BEND5: variants seen among roughly 807,000 people sequenced by gnomAD.
The protein encoded by BEND5 is BEN domain containing 5, also known as BEN domain-containing protein 5.
A neutral mutation model predicts 43.9 loss-of-function variants in BEND5; 22 were observed. The ratio of observed to expected loss-of-function variants is 0.50; its 90% CI spans 0.36 to 0.72. The LOEUF is 0.72. Among genes scored for constraint, BEND5 ranks in the 30% least tolerant of loss-of-function variants. The pLI, the probability that BEND5 is intolerant of heterozygous loss-of-function variation, is 0.00. For synonymous variants in BEND5, 228 were observed against 225.9 expected, an observed-to-expected ratio of 1.01 and a Z score of -0.08; for missense variants, 428 against 550.6, an observed-to-expected ratio of 0.78 and a Z score of 2.23.
intron 4 of BEND5, among the ~76,000 whole-genome samples, chr1:48,737,962 T>G (rs551555013): frequency 4.3e-4 from 66 of 152,278 alleles, no homozygotes; most frequent in African/African-American, 1.5e-3. Context: ...AGGCCTGCAG[T>G]TTGCCAATAT....
chr1:48,769,996 G>A (rs747030394), intron 1 of BEND5, among the ~76,000 whole-genome samples: 1 of 152,112 alleles, frequency 6.6e-6, no homozygotes, highest in Admixed American at 6.5e-5. Flanking sequence ...CATAGTGCAG[G>A]GTTCCATCCT....
chr1:48,775,919 A>AG (rs138225920), intron 1 of BEND5, among the ~76,000 whole-genome samples: 1,734 of 152,308 alleles, frequency 0.011, 35 homozygotes, highest in African/African-American at 0.04. Flanking sequence ...AGATTCAGAA[A>AG]GGGGTGTGGA....
At chr1:48,770,145 A>T (rs1262779196) in intron 1 of BEND5, among the ~76,000 whole-genome samples, 1 of 152,052 alleles carries the variant, frequency 6.6e-6, no homozygotes, top group South Asian at 2.1e-4. Flanking sequence ...TCTGACCCCA[A>T]CTCTGCTTTC....
intron 4 of BEND5, among the ~76,000 whole-genome samples, chr1:48,737,829 T>C (rs1377216229): frequency 6.6e-6 from 1 of 152,332 alleles, no homozygotes; most frequent in East Asian, 1.9e-4. Flanking sequence ...ATTTATGTCA[T>C]GCTTCTGCTG....
chr1:48,767,620 G>T (rs998530908), intron 1 of BEND5, among the ~76,000 whole-genome samples: 4 of 152,108 alleles, frequency 2.6e-5, no homozygotes, highest in Non-Finnish European at 5.9e-5. Flanking sequence ...TGTGACTTTG[G>T]GATATGCTTC....
At chr1:48,769,550 C>CACAT (rs1281175767) in intron 1 of BEND5, among the ~76,000 whole-genome samples, 2 of 146,962 alleles carry the variant, frequency 1.4e-5, no homozygotes, top group Non-Finnish European at 3.0e-5. Flanking sequence ...CACACACACA[C>CACAT]ACACACACAC....
chr1:48,753,043 C>T (rs924536125), intron 3 of BEND5, among the ~76,000 whole-genome samples: 11 of 152,180 alleles, frequency 7.2e-5, no homozygotes, highest in African/African-American at 1.2e-4. Flanking sequence ...CCACTGCCCC[C>T]GGCCCATTTG....
In BEND5 at chr1:48,734,070, C is replaced by T. The variant is rs1361247086; in HGVS notation, c.1108+2169G>A. ...CAGGCAGGGCAGGGCAGGGCTGCAT[C>T]CCCAGGATGGCCTTTTTCTCAGGGT... On this transcript the variant is annotated intron_variant, in intron 5 of 5. Coordinates refer to ENST00000371833, the MANE Select transcript of BEND5 (RefSeq NM_024603.4). 2.6e-5 allele frequency among the ~76,000 whole-genome samples: 4 copies of T among 152,156 alleles called. No individual in the cohort carries two copies. In the East Asian group the frequency reaches 7.7e-4, roughly 29 times the overall value.
intron 5 of BEND5, among the ~76,000 whole-genome samples, chr1:48,734,729 A>T (rs1648744504): frequency 6.6e-6 from 1 of 152,156 alleles, no homozygotes; most frequent in South Asian, 2.1e-4. Context: ...CACCTCCTCA[A>T]ACAGACCTTC....
At chr1:48,759,405 A>C (rs1369706838) in intron 2 of BEND5, 121 bp from the exon 3 acceptor site, 9 of 1,410,124 alleles carry the variant, frequency 6.4e-6, no homozygotes, top group Non-Finnish European at 8.4e-6. Context: ...TGCTTGGAGA[A>C]ACCTGTGCAA....
Position 48,736,159 on chromosome 1 carries a change from T to A in BEND5, c.1108+80A>T, listed in dbSNP as rs1649012176. ...ATGCAGAAGCTTCATAAGTAATCGT[T>A]GAATTGAATTGTGCCTAACACATTC... On this transcript the variant is annotated intron_variant, in intron 5 of 5. Transcript: ENST00000371833. This position sits in a 1 kb window ranked among gnomAD's most constrained non-coding sequence, Gnocchi z 4.0. 2 of 1,471,226 alleles carry A rather than the reference T, an allele frequency of 1.4e-6. No homozygotes were observed. Among genetic ancestry groups the A allele is most frequent in the African/African-American group, 1.4e-5 (1 of 71,462 alleles). The allele number at this position is 1,471,226 out of a possible 1,614,324, so 91.1% of individuals were successfully genotyped here.
chr1:48,740,404 T>A (rs1460627664), intron 4 of BEND5, among the ~76,000 whole-genome samples: 1 of 152,234 alleles, frequency 6.6e-6, no homozygotes, highest in African/African-American at 2.4e-5. Context: ...TCCCTACCCA[T>A]ACTATGTATA....
chr1:48,751,633 T>C (rs75632067), intron 3 of BEND5, among the ~76,000 whole-genome samples: 1 of 152,322 alleles, frequency 6.6e-6, no homozygotes, highest in African/African-American at 2.4e-5. Flanking sequence ...CTCCATTTCC[T>C]GCCTGGCAAA....
At chr1:48,750,674 TC>T (rs1360974853) in intron 3 of BEND5, among the ~76,000 whole-genome samples, 1 of 152,172 alleles carries the variant, frequency 6.6e-6, no homozygotes, top group Non-Finnish European at 1.5e-5. Flanking sequence ...CCAATAATGT[TC>T]CCTGCACAAA....
In BEND5 at chr1:48,775,507, G is replaced by C. The variant is rs1415773580; in HGVS notation, c.226+1099C>G. Among the ~76,000 whole-genome samples the C allele has an allele frequency of 3.9e-5, 6 of 152,264 alleles. No homozygotes were observed. In the East Asian group the frequency reaches 1.2e-3, roughly 29 times the overall value. On this transcript the variant is annotated intron_variant, in intron 1 of 5. Coordinates refer to ENST00000371833, the MANE Select transcript of BEND5 (RefSeq NM_024603.4). ...CTAACCCTTCGTGTTCTTTCTGGTAGAAGGCAGGAACACTATTTGCCCACT... is the reference window on the plus strand; with the variant it reads ...CTAACCCTTCGTGTTCTTTCTGGTACAAGGCAGGAACACTATTTGCCCACT...
chr1:48,746,991 G>T (rs1285761960), intron 3 of BEND5, among the ~76,000 whole-genome samples: 1 of 152,182 alleles, frequency 6.6e-6, no homozygotes, highest in African/African-American at 2.4e-5. Context: ...ATTTAAGAGG[G>T]GAGAAAATCA....
At chr1:48,734,004 C>T (rs1287612342) in intron 5 of BEND5, among the ~76,000 whole-genome samples, 7 of 152,204 alleles carry the variant, frequency 4.6e-5, no homozygotes, top group East Asian at 1.9e-4. Context: ...TCCTGAGTCA[C>T]GTTCCAACAA....
At chr1:48,763,995 T>C (rs1033684979) in intron 1 of BEND5, among the ~76,000 whole-genome samples, 1 of 152,328 alleles carries the variant, frequency 6.6e-6, no homozygotes, top group East Asian at 1.9e-4. Flanking sequence ...TTGCCTTCTA[T>C]GCCTCGACTT....
chr1:48,737,821 T>G (rs1160483674), intron 4 of BEND5, among the ~76,000 whole-genome samples: 1 of 152,248 alleles, frequency 6.6e-6, no homozygotes, highest in East Asian at 1.9e-4. Context: ...ACATTGCCAT[T>G]TATGTCATGC....
Sources: gnomAD v4.1 joint callset for allele counts (sites outside exome capture counted in the v4.1 genomes callset) on GRCh38, gnomAD v4.1.1 for gene constraint, Gnocchi (gnomAD v3.1) non-coding constraint, MANE v1.5 for transcripts, NCBI Gene and HGNC (gene_info 2026-07-23, HGNC 2026-07-21) for gene names.